VPS54: variants seen among roughly 807,000 people sequenced by gnomAD.
VPS54 encodes the protein vacuolar protein sorting-associated protein 54.
Under a neutral mutation model 121.5 loss-of-function variants are expected in VPS54, and 45 were observed. The ratio of observed to expected loss-of-function variants is 0.37; its 90% CI spans 0.29 to 0.47. VPS54 has a LOEUF of 0.47. Ranked by LOEUF, VPS54 falls within the 20% of genes least tolerant of loss-of-function variation. The pLI is 0.99. For missense variants in VPS54, 1,090 were observed against 1,131.4 expected (o/e 0.96, Z 0.52); for synonymous variants, 371 against 385.8 (o/e 0.96, Z 0.45).
At chr2:64,018,299 T>C (rs1388226755) in intron 1 of VPS54, among the ~76,000 whole-genome samples, 1 of 152,196 alleles carries the variant, frequency 6.6e-6, no homozygotes, top group African/African-American at 2.4e-5. Flanking sequence ...AAATACCATC[T>C]TGAACTCAAC....
chr2:63,920,033 C>A (rs947376586), intron 14 of VPS54, 38 bp from the exon 15 acceptor site: 1 of 1,508,474 alleles, frequency 6.6e-7, no homozygotes, highest in Non-Finnish European at 9.1e-7. Flanking sequence ...TAAACTTTAA[C>A]ATTTCAATAC....
chr2:63,914,351 T>C, intron 16 of VPS54, 64 bp from the exon 17 acceptor site: 1 of 1,141,310 alleles, frequency 8.8e-7, no homozygotes, highest in Non-Finnish European at 1.3e-6. Flanking sequence ...GGATTTGGCA[T>C]ATAAAAATCA....
chr2:63,927,258 G>T (rs1448681546), intron 12 of VPS54, among the ~76,000 whole-genome samples: 1 of 152,142 alleles, frequency 6.6e-6, no homozygotes, highest in Non-Finnish European at 1.5e-5. Flanking sequence ...CCCAGTAGGG[G>T]GCCGACAGAC....
intron 3 of VPS54, among the ~76,000 whole-genome samples, chr2:63,976,099 T>C (rs1676514801): frequency 6.6e-6 from 1 of 151,996 alleles, no homozygotes. Context: ...TTAAAAATAA[T>C]GAATAGCCAA....
chr2:63,987,511 T>A (rs1258358171), intron 1 of VPS54, among the ~76,000 whole-genome samples: 1 of 152,198 alleles, frequency 6.6e-6, no homozygotes, highest in African/African-American at 2.4e-5. Flanking sequence ...TTATTCCAAG[T>A]CTTTTGTGGT....
At chr2:63,937,274 T>A (rs1356287219) in intron 11 of VPS54, among the ~76,000 whole-genome samples, 3 of 152,130 alleles carry the variant, frequency 2.0e-5, no homozygotes, top group Admixed American at 2.0e-4. Flanking sequence ...ATATCCAGAA[T>A]ATGTAAAGAA....
chr2:64,006,654 T>C (rs1678170983), intron 1 of VPS54, among the ~76,000 whole-genome samples: 2 of 151,816 alleles, frequency 1.3e-5, no homozygotes, highest in South Asian at 4.2e-4. Flanking sequence ...ACAGTCTCAC[T>C]GTCAGCAGGC....
At chr2:64,013,081 T>C (rs1678501918) in intron 1 of VPS54, among the ~76,000 whole-genome samples, 2 of 152,246 alleles carry the variant, frequency 1.3e-5, no homozygotes, top group African/African-American at 4.8e-5. Flanking sequence ...GGGAATAGGA[T>C]ATTTACATGG....
At chr2:63,999,489 T>A (rs1024433878) in intron 1 of VPS54, among the ~76,000 whole-genome samples, 3 of 151,760 alleles carry the variant, frequency 2.0e-5, no homozygotes, top group African/African-American at 7.3e-5. Context: ...TGTATGTTGT[T>A]TCTTTTCTCT....
In VPS54 at chr2:63,933,809, T is replaced by A; in HGVS notation, c.1603A>T (p.Thr535Ser). Residue 535 changes from threonine to serine, a missense_variant, in exon 12 of 23, where the codon ACC becomes TCC. Thr to Ser is a moderately conservative substitution (Grantham distance 58). Coordinates refer to ENST00000272322, the MANE Select transcript of VPS54 (RefSeq NM_016516.3). ...GELTPIAVDT[T>S]SQRNASPNSE... ...TTTGGAGATGCATTTCTTTGAGAGG[T>A]AGTGTCAACTGCTATAGGTGTTAGC... 6.2e-7 allele frequency: 1 copy of A among 1,613,832 alleles called. No individual in the cohort carries two copies. The highest frequency in any genetic ancestry group is 8.5e-7 in the Non-Finnish European group (1 of 1,179,850).
intron 16 of VPS54, among the ~76,000 whole-genome samples, chr2:63,915,065 C>T (rs983531436): frequency 3.5e-5 from 5 of 140,954 alleles, no homozygotes; most frequent in Non-Finnish European, 6.0e-5. Flanking sequence ...GCAGGAGAAT[C>T]GTTTGAACCT....
At chr2:63,952,845 C>T (rs1255352341) in intron 7 of VPS54, among the ~76,000 whole-genome samples, 1 of 152,128 alleles carries the variant, frequency 6.6e-6, no homozygotes, top group African/African-American at 2.4e-5. Context: ...AGGAATCTCA[C>T]TTCTTAGAAT....
intron 20 of VPS54, among the ~76,000 whole-genome samples, chr2:63,905,358 G>C (rs1227342965): frequency 1.3e-5 from 2 of 152,006 alleles, no homozygotes; most frequent in Non-Finnish European, 2.9e-5. Context: ...AGAAACAGCA[G>C]ATAATACAGA....
intron 13 of VPS54, 32 bp from the exon 14 acceptor site, chr2:63,920,659 G>C: frequency 1.5e-6 from 2 of 1,316,344 alleles, no homozygotes; most frequent in Non-Finnish European, 2.0e-6. Flanking sequence ...ATGAGAGTTA[G>C]TGTAACACCA....
intron 1 of VPS54, among the ~76,000 whole-genome samples, chr2:64,011,510 G>C (rs748108276): frequency 4.6e-5 from 7 of 152,028 alleles, no homozygotes; most frequent in Non-Finnish European, 7.4e-5. Context: ...AGGTTGCAGT[G>C]AGCCGTGATT....
chr2:63,982,588 T>A (rs551325648), intron 2 of VPS54, among the ~76,000 whole-genome samples: 4 of 152,332 alleles, frequency 2.6e-5, no homozygotes, highest in African/African-American at 9.6e-5. Flanking sequence ...ACATCATTGA[T>A]TCACTAACAC....
intron 11 of VPS54, among the ~76,000 whole-genome samples, chr2:63,938,212 T>C (rs1162163750): frequency 6.6e-6 from 1 of 152,050 alleles, no homozygotes; most frequent in Non-Finnish European, 1.5e-5. Context: ...GCGATTCTCC[T>C]GCCTCAGTCT....
chr2:64,007,789 A>C (rs1352136036), intron 1 of VPS54, among the ~76,000 whole-genome samples: 2 of 152,212 alleles, frequency 1.3e-5, no homozygotes, highest in Non-Finnish European at 2.9e-5. Context: ...GGCAATCAGA[A>C]ATACCATCCT....
intron 7 of VPS54, among the ~76,000 whole-genome samples, chr2:63,953,892 C>T (rs766871182): frequency 2.0e-5 from 3 of 152,210 alleles, no homozygotes; most frequent in Non-Finnish European, 4.4e-5. Context: ...ATGACACTAA[C>T]ATAATTCCTC....
Sources: allele counts gnomAD v4.1 joint callset (sites outside exome capture counted in the v4.1 genomes callset), GRCh38; gene constraint gnomAD v4.1.1; transcripts MANE v1.5; gene names NCBI Gene and HGNC (gene_info 2026-07-23, HGNC 2026-07-21).